The following TTLL5 variants were observed in gnomAD, a reference collection of about 807,000 sequenced individuals.
TTLL5 encodes the protein tubulin tyrosine ligase like 5.
Under a neutral mutation model 168.4 loss-of-function variants are expected in TTLL5, and 132 were observed. The ratio of observed to expected loss-of-function variants is 0.78; its 90% CI spans 0.68 to 0.91. The LOEUF is 0.91. Ranked by LOEUF, TTLL5 falls within the 40% of genes least tolerant of loss-of-function variation. The pLI is 0.00. For missense variants in TTLL5, 1,545 were observed against 1,581.5 expected (o/e 0.98, Z 0.39); for synonymous variants, 546 against 558.6 (o/e 0.98, Z 0.32).
intron 17 of TTLL5, among the ~76,000 whole-genome samples, chr14:75,746,959 G>A (rs1196717676): frequency 6.6e-6 from 1 of 151,962 alleles, no homozygotes; most frequent in African/African-American, 2.4e-5. Flanking sequence ...TCATCTATGG[G>A]CTTATAGTTT....
chr14:75,924,495 A>T (rs562210924), intron 31 of TTLL5, among the ~76,000 whole-genome samples: 2 of 151,948 alleles, frequency 1.3e-5, no homozygotes, highest in East Asian at 3.9e-4. Flanking sequence ...CTTAATGAGC[A>T]TGCTGCCTTC....
At chr14:75,780,943 A>G (rs1892010895) in intron 24 of TTLL5, among the ~76,000 whole-genome samples, 1 of 152,184 alleles carries the variant, frequency 6.6e-6, no homozygotes, top group Admixed American at 6.5e-5. Context: ...GGACTGTCAC[A>G]GTCTTTAACT....
At chr14:75,713,762 A>G (rs1351716124) in intron 9 of TTLL5, among the ~76,000 whole-genome samples, 2 of 152,164 alleles carry the variant, frequency 1.3e-5, no homozygotes, top group South Asian at 2.1e-4. Context: ...TGATACTGGT[A>G]TTGCCAGATC....
chr14:75,705,948 T>G (rs1027288468), intron 7 of TTLL5, among the ~76,000 whole-genome samples: 6 of 152,024 alleles, frequency 3.9e-5, no homozygotes, highest in Non-Finnish European at 7.4e-5. Context: ...AAATATAAAC[T>G]CCCTTTGCCA....
intron 11 of TTLL5, among the ~76,000 whole-genome samples, chr14:75,720,034 CAT>C (rs1429861818): frequency 6.6e-6 from 1 of 152,310 alleles, no homozygotes; most frequent in Admixed American, 6.5e-5. Flanking sequence ...GTCTGAAAGA[CAT>C]AACTTTTTCC....
intron 28 of TTLL5, among the ~76,000 whole-genome samples, chr14:75,821,999 T>TG (rs1311703473): frequency 6.6e-6 from 1 of 152,208 alleles, no homozygotes; most frequent in African/African-American, 2.4e-5. Flanking sequence ...TTGCCAGCAC[T>TG]GCCTGCAACC....
chr14:75,815,182 C>CA (rs1894320815), intron 27 of TTLL5, among the ~76,000 whole-genome samples: 3 of 151,962 alleles, frequency 2.0e-5, no homozygotes, highest in South Asian at 2.1e-4. Context: ...GTCTTCTAGA[C>CA]AAAAAATCCA....
chr14:75,801,545 C>CA lies in TTLL5; in HGVS notation c.3171+8448dup, dbSNP rs200115192. 9.1e-3 allele frequency among the ~76,000 whole-genome samples: 1,383 copies of CA among 152,248 alleles called. 28 individuals are homozygous for CA. Among genetic ancestry groups the CA allele is most frequent in the African/African-American group, 0.032 (1,325 of 41,534 alleles). ...GACTGTAGTCACCCTGTTGTGCTAT[C>CA]AAATACTAGATCTTATTCATGCTAA... On this transcript the variant is annotated intron_variant, in intron 27 of 31. Transcript: ENST00000298832.
intron 3 of TTLL5, among the ~76,000 whole-genome samples, chr14:75,673,037 C>T (rs927586548): frequency 1.3e-5 from 2 of 151,836 alleles, no homozygotes; most frequent in African/African-American, 2.4e-5. Context: ...CTTCTGGGCT[C>T]AAGTGATCCT....
At chr14:75,749,356 T>C (rs1364632358) in intron 17 of TTLL5, among the ~76,000 whole-genome samples, 2 of 152,142 alleles carry the variant, frequency 1.3e-5, no homozygotes, top group African/African-American at 4.8e-5. Context: ...CTAGGTTGGT[T>C]TTGAACTAGT....
chr14:75,704,917 G>A (rs1167134185), intron 7 of TTLL5, among the ~76,000 whole-genome samples: 3 of 152,198 alleles, frequency 2.0e-5, no homozygotes, highest in South Asian at 2.1e-4. Flanking sequence ...GGGCATGGGC[G>A]TTAGATGTGT....
chr14:75,800,009 G>A (rs1247865140), intron 27 of TTLL5, among the ~76,000 whole-genome samples: 4 of 152,166 alleles, frequency 2.6e-5, no homozygotes, highest in Admixed American at 1.3e-4. Context: ...TGGATGTCTC[G>A]ATCTTTGGCA....
chr14:75,935,859 G>A (rs2034419441), intron 31 of TTLL5, among the ~76,000 whole-genome samples: 1 of 152,164 alleles, frequency 6.6e-6, no homozygotes, highest in Non-Finnish European at 1.5e-5. Context: ...GTCTAGGGTA[G>A]AAGAAATACT....
chr14:75,807,815 A>G (rs890222632), intron 27 of TTLL5, among the ~76,000 whole-genome samples: 1 of 152,224 alleles, frequency 6.6e-6, no homozygotes, highest in East Asian at 1.9e-4. Context: ...TGATGTTGCT[A>G]CAGAGTTGTA....
intron 3 of TTLL5, among the ~76,000 whole-genome samples, chr14:75,679,368 G>A (rs1884425157): frequency 6.6e-6 from 1 of 152,168 alleles, no homozygotes; most frequent in African/African-American, 2.4e-5. Flanking sequence ...AATGGAAAAG[G>A]GAAGGAAACA....
At chr14:75,833,030 G>A (rs1895667536) in intron 28 of TTLL5, among the ~76,000 whole-genome samples, 1 of 152,090 alleles carries the variant, frequency 6.6e-6, no homozygotes, top group African/African-American at 2.4e-5. Context: ...CCTCAGCGTG[G>A]CCACCTGCCT....
At chr14:75,737,703 A>G (rs1888996225) in intron 15 of TTLL5, 2 of 1,293,798 alleles carry the variant, frequency 1.5e-6, no homozygotes, top group Non-Finnish European at 2.1e-6. Context: ...ACATATTTTT[A>G]TGTACCTATT....
At position 75,752,972 on chromosome 14, in the gene TTLL5, C is replaced by G. The variant is rs201321781; in HGVS notation, c.1550+17C>G. ...CCAGGACAGGTAGAGATTTGCTAAA[C>G]TTTAAATTTAGGACTAGATCACAAG... On this transcript the variant is annotated intron_variant, in intron 18 of 31. Coordinates refer to ENST00000298832, the MANE Select transcript of TTLL5 (RefSeq NM_015072.5). The G allele has an allele frequency of 1.2e-6, 2 of 1,608,646 alleles. No individual in the cohort carries two copies. Among genetic ancestry groups the G allele is most frequent in the East Asian group, 2.2e-5 (1 of 44,770 alleles).
At chr14:75,708,980 CA>C (rs1408301360) in intron 9 of TTLL5, among the ~76,000 whole-genome samples, 2 of 152,070 alleles carry the variant, frequency 1.3e-5, no homozygotes, top group Non-Finnish European at 1.5e-5. Context: ...AAAAAAATTG[CA>C]AAAAACTCAT....
Sources: allele counts gnomAD v4.1 joint callset (sites outside exome capture counted in the v4.1 genomes callset), GRCh38; gene constraint gnomAD v4.1.1; transcripts MANE v1.5; gene names NCBI Gene and HGNC (gene_info 2026-07-23, HGNC 2026-07-21).